KRIT1: variants seen among roughly 807,000 people sequenced by gnomAD.
KRIT1 encodes the protein krev interaction trapped protein 1.
KRIT1 carries 45 observed loss-of-function variants against 95.8 expected under a neutral mutation model. The ratio of observed to expected loss-of-function variants is 0.47; its 90% CI spans 0.37 to 0.60. The LOEUF (loss-of-function observed/expected upper bound fraction) is 0.60, where lower values mean the gene tolerates loss of function less well. Ranked by LOEUF, KRIT1 falls within the 20% of genes least tolerant of loss-of-function variation. KRIT1 has a pLI of 0.00. For synonymous variants in KRIT1, 282 were observed against 278.8 expected (o/e 1.01, Z -0.11); for missense variants, 788 against 877.5 (o/e 0.90, Z 1.29).
At chr7:92,218,981 G>A (rs538130570) in intron 14 of KRIT1, among the ~76,000 whole-genome samples, 3 of 151,958 alleles carry the variant, frequency 2.0e-5, no homozygotes, top group East Asian at 3.9e-4. Flanking sequence ...CTTATATTTA[G>A]GTCACTGATG....
chr7:92,221,187 G>A (rs1795065339), intron 14 of KRIT1, among the ~76,000 whole-genome samples: 1 of 152,142 alleles, frequency 6.6e-6, no homozygotes, highest in Non-Finnish European at 1.5e-5. Context: ...TGTAATCCCA[G>A]CCCTTTGGGA....
intron 17 of KRIT1, among the ~76,000 whole-genome samples, chr7:92,212,756 T>C (rs918942918): frequency 2.0e-5 from 3 of 152,226 alleles, no homozygotes; most frequent in Admixed American, 6.5e-5. Flanking sequence ...AGGTATGTAA[T>C]GAAAAGTTTC....
chr7:92,235,163 C>A lies in KRIT1; in HGVS notation c.729+240G>T, dbSNP rs73407588. 0.034 allele frequency among the ~76,000 whole-genome samples: 5,246 copies of A among 152,074 alleles called. 267 individuals are homozygous for A. Among genetic ancestry groups the A allele is most frequent in the African/African-American group, 0.12 (4,782 of 41,464 alleles). The stretch of plus-strand genomic sequence containing the variant: ...TACAGGGGTACGCCACCACATCCAG[C>A]TAATTTTTGTATTTTTAGTAGAGAC... On this transcript the variant is annotated intron_variant, in intron 8 of 18. Coordinates refer to ENST00000394505, the MANE Select transcript of KRIT1 (RefSeq NM_194454.3).
chr7:92,205,821 G>A (rs1376012676), intron 17 of KRIT1: 1 of 152,184 alleles, frequency 6.6e-6, no homozygotes, highest in Non-Finnish European at 1.5e-5. Context: ...CCATTTAAAT[G>A]TGTTAAATAT....
chr7:92,219,200 C>T (rs961565273), intron 14 of KRIT1, among the ~76,000 whole-genome samples: 2 of 152,050 alleles, frequency 1.3e-5, no homozygotes, highest in African/African-American at 4.8e-5. Flanking sequence ...TGGGGTTTTG[C>T]CATGTGGGCC....
intron 15 of KRIT1, 76 bp downstream of exon 15, chr7:92,214,535 A>G: frequency 1.8e-6 from 2 of 1,086,494 alleles, no homozygotes. Flanking sequence ...ATATTTTCTA[A>G]TAACATTTTT....
intron 14 of KRIT1, among the ~76,000 whole-genome samples, chr7:92,218,967 A>G (rs1794562826): frequency 6.6e-6 from 1 of 152,100 alleles, no homozygotes. Context: ...TTATGGTTTT[A>G]GCACTTATAT....
chr7:92,221,800 C>G, intron 14 of KRIT1, 102 bp downstream of exon 14: 1 of 925,506 alleles, frequency 1.1e-6, no homozygotes, highest in Non-Finnish European at 1.7e-6. Context: ...ATGTAAGGAT[C>G]GATTTAAGGA....
At chr7:92,228,204 T>C (rs1238828300) in intron 10 of KRIT1, among the ~76,000 whole-genome samples, 2 of 152,128 alleles carry the variant, frequency 1.3e-5, no homozygotes, top group East Asian at 3.9e-4. Context: ...TGAAGAGAAG[T>C]AAAATATTTT....
chr7:92,226,948 A>T (rs990802727), intron 10 of KRIT1, among the ~76,000 whole-genome samples: 1 of 152,240 alleles, frequency 6.6e-6, no homozygotes, highest in African/African-American at 2.4e-5. Context: ...AAGATAGAGC[A>T]GACGACAGAG....
Position 92,222,982 on chromosome 7 carries a change from C to T in KRIT1, c.1255-4G>A, listed in dbSNP as rs771787133. The T allele has an allele frequency of 4.4e-6, 7 of 1,597,078 alleles. No individual in the cohort carries two copies. The highest frequency in any genetic ancestry group is 1.1e-5 in the South Asian group (1 of 90,718). ...TGTATATTCGAACTTTTTCATACTA[C>T]AAGAAACGATAACTTACGTAACGAA... On this transcript the variant is annotated splice_polypyrimidine_tract_variant and splice_region_variant and intron_variant, in intron 12 of 18. Coordinates refer to ENST00000394505, the MANE Select transcript of KRIT1 (RefSeq NM_194454.3).
At chr7:92,222,469 T>C (rs1407855371) in intron 13 of KRIT1, among the ~76,000 whole-genome samples, 1 of 152,128 alleles carries the variant, frequency 6.6e-6, no homozygotes, top group Non-Finnish European at 1.5e-5. Flanking sequence ...TGATTTTAAA[T>C]AGAAAACTAA....
rs939724635 is a variant in KRIT1, at chr7:92,245,868, A to C, written c.-499T>G. ...CCCTCTCCCGAAACTACGGGGTCCC[A>C]GGTCTTCAAAGGCCTTAGCTTTCCA... On this transcript the variant is annotated 5_prime_UTR_variant, in exon 1 of 19. Transcript: ENST00000394505. 1 of 217,476 alleles carries C rather than the reference A, an allele frequency of 4.6e-6. No homozygotes were observed. Among genetic ancestry groups the C allele is most frequent in the Admixed American group, 6.4e-5 (1 of 15,654 alleles). 13.5% of individuals were successfully genotyped at this position (217,476 alleles called of 1,614,324 possible).
At chr7:92,225,921 A>G in intron 11 of KRIT1, 94 bp from the exon 12 acceptor site, 1 of 738,950 alleles carries the variant, frequency 1.4e-6, no homozygotes, top group African/African-American at 1.7e-5. Flanking sequence ...TTCATAAAAA[A>G]GAGACTCTTG....
intron 10 of KRIT1, among the ~76,000 whole-genome samples, chr7:92,229,380 A>G (rs1563287030): frequency 6.6e-6 from 1 of 152,220 alleles, no homozygotes; most frequent in Admixed American, 6.5e-5. Context: ...ATGGGAGACA[A>G]TATTTGCAAA....
In KRIT1 at chr7:92,236,485, A is replaced by G. The variant is rs1172939308; in HGVS notation, c.413T>C (p.Ile138Thr). ...ACTGGATTCACTACAGACTCGCATA[A>G]TATCTTGTAAGCAGTAAAAAATTGG... ...GCPIFYCLQD[I>T]MRVCSESSTH... is the part of the protein sequence containing the mutation. The change falls in exon 7 of 19, where the codon ATT (isoleucine) becomes ACT (threonine). Residue 138 changes from isoleucine (I) to threonine (T), a missense_variant. By Grantham distance (89) the Ile-to-Thr change is moderately conservative. Transcript: ENST00000394505. 1.6e-5 allele frequency: 25 copies of G among 1,588,936 alleles called. No homozygotes were observed. The highest frequency in any genetic ancestry group is 1.7e-4 in the Middle Eastern group (1 of 6,032).
chr7:92,240,721 A>T (rs1799429494), intron 5 of KRIT1: 1 of 423,996 alleles, frequency 2.4e-6, no homozygotes, highest in South Asian at 2.7e-5. Flanking sequence ...AAGTAAAGAA[A>T]TAGGAATAGT....
Position 92,226,606 on chromosome 7 carries a change from T to C in KRIT1, c.1066A>G (p.Ser356Gly), listed in dbSNP as rs2131526803. Residue 356 changes from serine (S) to glycine (G), a missense_variant, in exon 11 of 19, where the codon AGT becomes GGT. Ser to Gly is a moderately conservative substitution (Grantham distance 56). Around this residue, in one of 3 missense-constraint regions of KRIT1, gnomAD observed 493 missense variants for 582.3 expected, o/e 0.85. Coordinates refer to ENST00000394505, the MANE Select transcript of KRIT1 (RefSeq NM_194454.3). ...CNPNLLNGQL[S>G]SPLHFAAGGG... ...CCAGCAGCAAAATGAAGAGGAGAAC[T>C]AAGTTGTCCATTTAAAAGGTTTGGA... 1 of 1,613,198 alleles carries C rather than the reference T, an allele frequency of 6.2e-7. No individual in the cohort carries two copies. Among genetic ancestry groups the C allele is most frequent in the African/African-American group, 1.3e-5 (1 of 75,016 alleles).
intron 5 of KRIT1, among the ~76,000 whole-genome samples, chr7:92,240,178 T>G (rs1468049120): frequency 6.6e-6 from 1 of 152,174 alleles, no homozygotes; most frequent in Non-Finnish European, 1.5e-5. Context: ...TATGTATCTC[T>G]AGAAAACAAA....
Sources: allele counts gnomAD v4.1 joint callset (sites outside exome capture counted in the v4.1 genomes callset), GRCh38; gene constraint gnomAD v4.1.1; regional missense constraint gnomAD v4.1.1; transcripts MANE v1.5; gene names NCBI Gene and HGNC (gene_info 2026-07-23, HGNC 2026-07-21).